ABCC1: variants seen among roughly 807,000 people sequenced by gnomAD.
ABCC1 encodes the protein multidrug resistance-associated protein 1.
A neutral mutation model predicts 172.9 loss-of-function variants in ABCC1; 83 were observed. That is an observed-to-expected ratio of 0.48 (90% confidence interval 0.40 to 0.58). The LOEUF (loss-of-function observed/expected upper bound fraction) is 0.58, where lower values mean the gene tolerates loss of function less well. Ranked by LOEUF, ABCC1 falls within the 20% of genes least tolerant of loss-of-function variation. The probability of loss-of-function intolerance (pLI) is 0.00; values close to 1 mark genes in which losing one functional copy is unlikely to be tolerated. For missense variants in ABCC1, 1,817 were observed against 2,002.7 expected, an observed-to-expected ratio of 0.91 and a Z score of 1.77; for synonymous variants, 937 against 825.2, an observed-to-expected ratio of 1.14 and a Z score of -2.32.
chr16:16,068,400 TC>T, intron 13 of ABCC1, 98 bp downstream of exon 13: 1 of 1,427,950 alleles, frequency 7.0e-7, no homozygotes, highest in Non-Finnish European at 9.6e-7. Context: ...TAGATCACAC[TC>T]CCGGTCGGGC....
Position 16,125,497 on chromosome 16 carries a change from C to T in ABCC1, c.3718-313C>T, listed in dbSNP as rs569045122. On this transcript the variant is annotated intron_variant, in intron 25 of 30. Transcript: ENST00000399410. ...AGGCTGGAATGCAGTGGTGGGATCT[C>T]GGCTCACTGCAACCTCTGCCTCCTG... is the stretch of plus-strand genomic sequence containing the variant. Among the ~76,000 whole-genome samples, 78 of 151,594 alleles carry T rather than the reference C, an allele frequency of 5.1e-4. No homozygotes were observed. The South Asian group carries it at 0.011, about 21-fold the overall frequency.
chr16:15,995,654 G>T (rs565142598), intron 1 of ABCC1, among the ~76,000 whole-genome samples: 3 of 152,096 alleles, frequency 2.0e-5, no homozygotes, highest in Non-Finnish European at 4.4e-5. Context: ...ATAAGAACCC[G>T]ACTGTTGCAA....
chr16:16,032,191 A>G (rs1364650843), intron 5 of ABCC1, among the ~76,000 whole-genome samples: 2 of 152,090 alleles, frequency 1.3e-5, no homozygotes, highest in East Asian at 3.9e-4. Flanking sequence ...GGGTTTCACC[A>G]TGTTGGCTAG....
At chr16:16,091,303 G>A (rs918092991) in intron 19 of ABCC1, among the ~76,000 whole-genome samples, 1 of 149,836 alleles carries the variant, frequency 6.7e-6, no homozygotes, top group Non-Finnish European at 1.5e-5. Context: ...AGTGGCTCAC[G>A]CCTGTAATCC....
At chr16:16,104,891 CG>C (rs1252076391) in intron 20 of ABCC1, among the ~76,000 whole-genome samples, 1 of 152,194 alleles carries the variant, frequency 6.6e-6, no homozygotes, top group Admixed American at 6.5e-5. Flanking sequence ...CCTCACTACC[CG>C]GGCTGGCGGG....
At chr16:16,017,995 C>T (rs933409343) in intron 5 of ABCC1, among the ~76,000 whole-genome samples, 3 of 152,092 alleles carry the variant, frequency 2.0e-5, no homozygotes, top group Admixed American at 6.6e-5. Context: ...GTGGGACAGC[C>T]CCCTTGTGAG....
chr16:16,113,289 C>A (rs986183303), intron 22 of ABCC1, among the ~76,000 whole-genome samples: 3 of 152,178 alleles, frequency 2.0e-5, no homozygotes, highest in Non-Finnish European at 4.4e-5. Flanking sequence ...ACAGCAACAA[C>A]GTCTGTTCCA....
chr16:15,954,066 G>A (rs569535661), intron 1 of ABCC1, among the ~76,000 whole-genome samples: 1 of 146,500 alleles, frequency 6.8e-6, no homozygotes, highest in Admixed American at 6.8e-5. Context: ...AGGGTGCAGT[G>A]GTGTGATCTC....
Position 16,138,523 on chromosome 16 carries a change from C to T in ABCC1, c.4452C>T (p.Ile1484=), listed in dbSNP as rs35148086. The part of the protein sequence containing the change: ...TQFEDCTVLT[I]AHRLNTIMDY... The stretch of plus-strand genomic sequence containing the variant: ...TCGAGGACTGCACCGTCCTCACCAT[C>T]GCCCACCGGCTCAACACCATCATGG... Residue 1484 remains isoleucine (I), a synonymous_variant, in exon 30 of 31, where the codon ATC becomes ATT. Transcript: ENST00000399410. The T allele has an allele frequency of 3.6e-3, 5,620 of 1,581,964 alleles. 156 individuals carry two copies. In the African/African-American group the frequency reaches 0.066, roughly 18 times the overall value.
intron 14 of ABCC1, among the ~76,000 whole-genome samples, chr16:16,073,215 A>T (rs1464785222): frequency 2.0e-5 from 3 of 152,082 alleles, no homozygotes; most frequent in Non-Finnish European, 2.9e-5. Context: ...CATTTTCCAG[A>T]TGAAGAAACT....
At chr16:16,086,620 A>AT (rs869130544) in intron 17 of ABCC1, among the ~76,000 whole-genome samples, 5 of 142,384 alleles carry the variant, frequency 3.5e-5, no homozygotes, top group South Asian at 2.1e-4. Context: ...GGCTTGGCTA[A>AT]TTTTTTCTTT....
In ABCC1 at chr16:16,016,583, G is replaced by C. The variant is rs2048006793; in HGVS notation, c.577G>C (p.Asp193His). The change falls in exon 5 of 31, where the codon GAT (aspartate) becomes CAT (histidine). Residue 193 changes from aspartate to histidine, a missense_variant. Asp to His is a moderately conservative substitution (Grantham distance 81). Around this residue, in one of 3 missense-constraint regions of ABCC1, gnomAD observed 398 missense variants for 384.2 expected, o/e 1.04. Coordinates refer to ENST00000399410, the MANE Select transcript of ABCC1 (RefSeq NM_004996.4). Reference sequence around the variant, plus strand: ...TCAGCTCGTCTTGTCCTGTTTCTCAGATCGCTCACCCCTGTTCTCGGAAAC... The same window carrying C: ...TCAGCTCGTCTTGTCCTGTTTCTCACATCGCTCACCCCTGTTCTCGGAAAC... ...LIQLVLSCFS[D>H]RSPLFSETIH... 1.4e-5 allele frequency: 22 copies of C among 1,614,128 alleles called. No individual in the cohort carries two copies. The highest frequency in any genetic ancestry group is 1.9e-5 in the Non-Finnish European group (22 of 1,180,038).
chr16:15,954,321 C>T (rs1388445716), intron 1 of ABCC1, among the ~76,000 whole-genome samples: 11 of 152,142 alleles, frequency 7.2e-5, no homozygotes, highest in Admixed American at 4.6e-4. Context: ...TGAGCCACCG[C>T]GCTCAGCCTG....
At chr16:16,097,540 G>A (rs1331861488) in intron 19 of ABCC1, among the ~76,000 whole-genome samples, 2 of 152,204 alleles carry the variant, frequency 1.3e-5, no homozygotes, top group East Asian at 3.8e-4. Context: ...GGCATGTCCT[G>A]CATAAGCAGT....
chr16:16,101,689 C>T (rs534463426), intron 19 of ABCC1, among the ~76,000 whole-genome samples: 36 of 152,176 alleles, frequency 2.4e-4, no homozygotes, highest in Admixed American at 2.1e-3. Flanking sequence ...GCAGTCAGTG[C>T]GGAGTGGGGG....
In ABCC1 at chr16:16,048,319, C is replaced by T. The variant is rs1353126832; in HGVS notation, c.1380+16C>T. 1.8e-5 allele frequency: 29 copies of T among 1,613,084 alleles called. No individual in the cohort carries two copies. The highest frequency in any genetic ancestry group is 8.0e-5 in the African/African-American group (6 of 75,016). On this transcript the variant is annotated intron_variant, in intron 10 of 30. Coordinates refer to ENST00000399410, the MANE Select transcript of ABCC1 (RefSeq NM_004996.4). The stretch of plus-strand genomic sequence containing the variant: ...CCTGTGGCTGGTGTGTGTTTAACGC[C>T]GTTTCCCTTTGCATGCAGGGAGGGA...
intron 13 of ABCC1, 139 bp downstream of exon 13, chr16:16,068,441 C>A: frequency 1.0e-6 from 1 of 986,608 alleles, no homozygotes; most frequent in Non-Finnish European, 1.5e-6. Flanking sequence ...GGCTGCCATG[C>A]TTTCGTCTGG....
intron 8 of ABCC1, 133 bp from the exon 9 acceptor site, chr16:16,045,703 C>A: frequency 1.1e-6 from 1 of 913,410 alleles, no homozygotes; most frequent in Non-Finnish European, 1.6e-6. Flanking sequence ...ACTTGTTTTT[C>A]CATCTATGAA....
intron 16 of ABCC1, among the ~76,000 whole-genome samples, chr16:16,082,239 C>T (rs1464225261): frequency 2.0e-5 from 3 of 152,178 alleles, no homozygotes; most frequent in African/African-American, 4.8e-5. Flanking sequence ...ATGCTCTTCC[C>T]TCTTCTCCTC....
Sources: gnomAD v4.1 joint callset for allele counts (sites outside exome capture counted in the v4.1 genomes callset) on GRCh38, gnomAD v4.1.1 for gene constraint, gnomAD v4.1.1 regional missense constraint, MANE v1.5 for transcripts, NCBI Gene and HGNC (gene_info 2026-07-23, HGNC 2026-07-21) for gene names.